HYDIN: variants seen among roughly 807,000 people sequenced by gnomAD.
HYDIN encodes the protein HYDIN axonemal central pair apparatus protein.
In HYDIN, 132 loss-of-function variants were observed where a neutral mutation model predicts 403.9. The ratio of observed to expected loss-of-function variants is 0.33; its 90% confidence interval spans 0.28 to 0.38. The LOEUF (loss-of-function observed/expected upper bound fraction) is 0.38. Ranked by LOEUF, HYDIN falls within the 10% of genes least tolerant of loss-of-function variation. The probability of loss-of-function intolerance (pLI) is 1.00; values close to 1 mark genes in which losing one functional copy is unlikely to be tolerated. For missense variants in HYDIN, 2,827 were observed against 5,009.5 expected (o/e 0.56, Z 13.15); for synonymous variants, 1,202 against 1,891.7 (o/e 0.64, Z 9.46).
At chr16:70,811,624 A>G (rs2035507940) in intron 84 of HYDIN, among the ~76,000 whole-genome samples, 1 of 149,768 alleles carries the variant, frequency 6.7e-6, no homozygotes, top group Admixed American at 6.6e-5. Context: ...TTGGGAGGCC[A>G]AGGCAGGCGG....
intron 71 of HYDIN, among the ~76,000 whole-genome samples, chr16:70,859,312 CA>C: frequency 1.3e-5 from 2 of 151,400 alleles, no homozygotes; most frequent in East Asian, 1.9e-4. Flanking sequence ...AAAACAAAAA[CA>C]AAAAAAAGAA....
At chr16:71,089,186 G>T (rs6416727) in intron 11 of HYDIN, among the ~76,000 whole-genome samples, 71,570 of 150,468 alleles carry the variant, frequency 0.48, 19,758 homozygotes, top group African/African-American at 0.73. Flanking sequence ...ATTGCCCATA[G>T]GTGGTTGCAC....
At chr16:70,850,194 T>A (rs1457716752) in intron 74 of HYDIN, among the ~76,000 whole-genome samples, 1 of 151,300 alleles carries the variant, frequency 6.6e-6, no homozygotes, top group East Asian at 1.9e-4. Context: ...TAGTCAAATA[T>A]CCTTCCTGTA....
intron 67 of HYDIN, 126 bp from the exon 68 acceptor site, chr16:70,863,308 A>C (rs1229294398): frequency 1.1e-6 from 1 of 886,138 alleles, no homozygotes; most frequent in African/African-American, 1.7e-5. Context: ...ATATTTTTAA[A>C]AAGGCACATT....
At chr16:71,214,096 A>G (rs2088741507) in intron 1 of HYDIN, among the ~76,000 whole-genome samples, 1 of 152,134 alleles carries the variant, frequency 6.6e-6, no homozygotes, top group South Asian at 2.1e-4. Flanking sequence ...TAAAATAAAT[A>G]TATCCTAAAA....
At chr16:70,961,799 T>C (rs2078427792) in intron 38 of HYDIN, among the ~76,000 whole-genome samples, 160 bp downstream of exon 38, 1 of 151,986 alleles carries the variant, frequency 6.6e-6, no homozygotes, top group Non-Finnish European at 1.5e-5. Context: ...CTACTGTGAG[T>C]GGCAGATCAG....
At chr16:71,215,969 T>C (rs754164396) in intron 1 of HYDIN, among the ~76,000 whole-genome samples, 53 of 152,280 alleles carry the variant, frequency 3.5e-4, no homozygotes, top group Non-Finnish European at 5.7e-4. Context: ...GTCTGATAAT[T>C]CTGAATATTG....
chr16:70,896,129 T>C (rs753366065), intron 53 of HYDIN, 49 bp from the exon 54 acceptor site: 15 of 1,606,060 alleles, frequency 9.3e-6, no homozygotes, highest in African/African-American at 1.3e-5. Context: ...CTATAGGTGC[T>C]TGGAGCCTGA....
chr16:70,994,309 GGA>G (rs1250917712), intron 23 of HYDIN, among the ~76,000 whole-genome samples: 47 of 151,328 alleles, frequency 3.1e-4, no homozygotes, highest in Non-Finnish European at 5.9e-4. Flanking sequence ...ATGGATGGAT[GGA>G]TGGGTGTGTG....
chr16:71,059,560 C>T (rs2082013598), intron 18 of HYDIN, among the ~76,000 whole-genome samples: 1 of 151,572 alleles, frequency 6.6e-6, no homozygotes, highest in Admixed American at 6.6e-5. Flanking sequence ...TTATCCTAAG[C>T]AAATTAACAC....
At chr16:70,828,891 T>C (rs1340761270) in intron 81 of HYDIN, among the ~76,000 whole-genome samples, 2 of 145,950 alleles carry the variant, frequency 1.4e-5, no homozygotes, top group Non-Finnish European at 3.0e-5. Flanking sequence ...TGATGATAGT[T>C]ATGGCTGTAT....
intron 50 of HYDIN, among the ~76,000 whole-genome samples, chr16:70,906,176 G>A (rs2076531880): frequency 6.6e-6 from 1 of 152,122 alleles, no homozygotes; most frequent in Non-Finnish European, 1.5e-5. Flanking sequence ...TGCTAAGAAT[G>A]GCTGATCATC....
rs763307964 is a variant in HYDIN at position 71,129,685 on chromosome 16, TC to T, written c.1181del (p.Gly394GlufsTer35). ...TFANQRRLVQ[G>X]DSKLFFNNVF... Reference sequence around the variant, plus strand: ...CGTTATTGAAGAACAGCTTGCTGTCTCCCTGCACCAGCCTCCTCTGATTCGC... The same window carrying T: ...CGTTATTGAAGAACAGCTTGCTGTCTCCTGCACCAGCCTCCTCTGATTCGC... On this transcript the variant is annotated frameshift_variant, in exon 9 of 86. Transcript: ENST00000393567. LOFTEE classifies it high-confidence loss of function. The T allele has an allele frequency of 6.2e-7, 1 of 1,614,200 alleles. No homozygotes were observed. Among genetic ancestry groups the T allele is most frequent in the Non-Finnish European group, 8.5e-7 (1 of 1,180,028 alleles).
chr16:70,967,106 G>A (rs1310949243), intron 36 of HYDIN, among the ~76,000 whole-genome samples: 3 of 152,012 alleles, frequency 2.0e-5, no homozygotes, highest in East Asian at 3.9e-4. Flanking sequence ...TTAAGAGGCC[G>A]TTTCAAAGAG....
At chr16:71,200,400 A>G (rs1314136141) in intron 1 of HYDIN, among the ~76,000 whole-genome samples, 1 of 152,198 alleles carries the variant, frequency 6.6e-6, no homozygotes, top group African/African-American at 2.4e-5. Flanking sequence ...TAACACAGGA[A>G]GTGCCCAGGA....
chr16:70,848,235 CT>C (rs2038357545), intron 75 of HYDIN, among the ~76,000 whole-genome samples: 1 of 144,874 alleles, frequency 6.9e-6, no homozygotes, highest in South Asian at 2.3e-4. Flanking sequence ...TCATACTTTG[CT>C]TTAGTTATCT....
intron 41 of HYDIN, among the ~76,000 whole-genome samples, chr16:70,948,784 C>T (rs2077965828): frequency 6.6e-6 from 1 of 151,440 alleles, no homozygotes; most frequent in Admixed American, 6.6e-5. Flanking sequence ...GTTAGAATGG[C>T]AATCATTAAA....
At chr16:71,229,961 A>G (rs2041208688) in intron 1 of HYDIN, among the ~76,000 whole-genome samples, 3 of 152,250 alleles carry the variant, frequency 2.0e-5, no homozygotes, top group South Asian at 2.1e-4. Context: ...TTCTCATGAT[A>G]GTGACTGAGT....
intron 42 of HYDIN, among the ~76,000 whole-genome samples, 189 bp from the exon 43 acceptor site, chr16:70,942,008 A>T (rs2486980): frequency 2.6e-5 from 3 of 114,764 alleles, no homozygotes; most frequent in East Asian, 2.7e-4. Flanking sequence ...TTAATCAGCC[A>T]GTCTTTTTTT....
Sources: allele counts gnomAD v4.1 joint callset (sites outside exome capture counted in the v4.1 genomes callset), GRCh38; gene constraint gnomAD v4.1.1; transcripts MANE v1.5; gene names NCBI Gene and HGNC (gene_info 2026-07-23, HGNC 2026-07-21).